The following LANCL3 variants were observed in gnomAD, a reference collection of about 807,000 sequenced individuals.
LANCL3 encodes the protein LanC like family member 3, also known as lanC-like protein 3.
A neutral mutation model predicts 26.5 loss-of-function variants in LANCL3; 19 were observed. That is an observed-to-expected ratio of 0.72 (90% CI 0.50 to 1.05). The LOEUF (loss-of-function observed/expected upper bound fraction) is 1.05, where lower values mean the gene tolerates loss of function less well. LANCL3 is among the 50% of genes least tolerant of loss of function. The pLI is 0.00. For synonymous variants in LANCL3, 160 were observed against 166.6 expected (o/e 0.96, Z 0.30); for missense variants, 318 against 362.7 (o/e 0.88, Z 1.00).
At chrX:37,586,829 G>A (rs573597259) in intron 1 of LANCL3, among the ~76,000 whole-genome samples, 13 of 111,708 alleles carry the variant, frequency 1.2e-4, no homozygotes, top group East Asian at 8.4e-4. Flanking sequence ...GCTTTATTCC[G>A]TTGCTGGTGA....
chrX:37,594,934 C>T (rs1297068859), intron 1 of LANCL3, among the ~76,000 whole-genome samples: 1 of 111,549 alleles, frequency 9.0e-6, no homozygotes, highest in Non-Finnish European at 1.9e-5. Context: ...GTACGTGGAG[C>T]GAAATTAGAT....
chrX:37,634,241 T>A (rs1275921255), intron 1 of LANCL3, among the ~76,000 whole-genome samples: 6 of 112,534 alleles, frequency 5.3e-5, no homozygotes, highest in African/African-American at 1.9e-4. Flanking sequence ...TCGAGACAGG[T>A]GCAGGATATA....
intron 1 of LANCL3, among the ~76,000 whole-genome samples, chrX:37,604,698 A>T (rs782648670): frequency 2.2e-4 from 25 of 112,326 alleles, no homozygotes; most frequent in African/African-American, 7.4e-4. Flanking sequence ...GGATGGAAGC[A>T]TGCAAAGCCT....
intron 1 of LANCL3, among the ~76,000 whole-genome samples, chrX:37,576,946 AG>A (rs782351386): frequency 8.9e-6 from 1 of 112,563 alleles, no homozygotes; most frequent in East Asian, 2.8e-4. Context: ...GCATGGCTGG[AG>A]CAGAGAGAGA....
intron 1 of LANCL3, among the ~76,000 whole-genome samples, chrX:37,586,087 T>C: frequency 8.9e-6 from 1 of 111,831 alleles, no homozygotes; most frequent in East Asian, 2.8e-4. Context: ...AAATTCTCGG[T>C]TGAAAATTCT....
At chrX:37,673,423 A>AT (rs1306498290) in intron 4 of LANCL3, among the ~76,000 whole-genome samples, 11 of 110,989 alleles carry the variant, frequency 9.9e-5, no homozygotes, top group African/African-American at 3.6e-4. Flanking sequence ...AGATCTATGA[A>AT]TTTTCTTCTG....
intron 1 of LANCL3, among the ~76,000 whole-genome samples, chrX:37,596,173 A>T (rs1167313634): frequency 8.9e-6 from 1 of 112,145 alleles, no homozygotes; most frequent in Non-Finnish European, 1.9e-5. Flanking sequence ...ATGACTTAAT[A>T]TAATATTTCT....
chrX:37,633,828 A>C (rs1391091134), intron 1 of LANCL3, among the ~76,000 whole-genome samples: 2 of 111,689 alleles, frequency 1.8e-5, no homozygotes, highest in Non-Finnish European at 3.8e-5. Flanking sequence ...GTGAGAAGTC[A>C]GTCTGCCCCT....
chrX:37,597,777 A>C (rs1476937219), intron 1 of LANCL3, among the ~76,000 whole-genome samples: 1 of 101,801 alleles, frequency 9.8e-6, no homozygotes, highest in Non-Finnish European at 2.0e-5. Context: ...TCAGCCTTCC[A>C]AAGAGCTGGG....
intron 1 of LANCL3, among the ~76,000 whole-genome samples, chrX:37,582,232 G>A (rs1331333515): frequency 2.7e-5 from 3 of 111,829 alleles, no homozygotes; most frequent in Non-Finnish European, 5.6e-5. Context: ...GAATAGTGCG[G>A]CAATAAACAT....
chrX:37,600,242 ATTAG>A (rs1339858783), intron 1 of LANCL3, among the ~76,000 whole-genome samples: 1 of 112,050 alleles, frequency 8.9e-6, no homozygotes, highest in African/African-American at 3.2e-5. Context: ...CTATTTTATT[ATTAG>A]TTATTTTTGT....
chrX:37,677,307 G>T lies in LANCL3; in HGVS notation c.*1494G>T, dbSNP rs1235766381. 3 of 110,003 alleles carry T rather than the reference G, an allele frequency of 2.7e-5. No individual in the cohort carries two copies. Among genetic ancestry groups the T allele is most frequent in the Non-Finnish European group, 3.8e-5 (2 of 52,612 alleles). 9.1% of individuals were successfully genotyped at this position (110,003 alleles called of 1,213,427 possible). A position where few individuals can be genotyped will look rare whatever the true frequency, so the allele number is the denominator to read the frequency against. On this transcript the variant is annotated 3_prime_UTR_variant, in exon 5 of 5. Transcript: ENST00000378619. ...AAAAAGCAAACCTACAAGTATGTTG[G>T]TGTGTGTATGTGTATGGACCAGTTT...
At chrX:37,597,292 T>C (rs1556419577) in intron 1 of LANCL3, among the ~76,000 whole-genome samples, 1 of 112,450 alleles carries the variant, frequency 8.9e-6, no homozygotes, top group Non-Finnish European at 1.9e-5. Flanking sequence ...GCTGCCATAA[T>C]GCTGTTTTGA....
Position 37,682,164 on chromosome X carries a change from G to A in LANCL3, c.*6351G>A, listed in dbSNP as rs1405633545. 1 of 102,470 alleles carries A rather than the reference G, an allele frequency of 9.8e-6. No individual in the cohort carries two copies. The highest frequency in any genetic ancestry group is 3.0e-4 in the East Asian group (1 of 3,328). The allele number at this position is 102,470 out of a possible 1,213,427, so 8.4% of individuals were successfully genotyped here. A position where few individuals can be genotyped will look rare whatever the true frequency, so the allele number is the denominator to read the frequency against. On this transcript the variant is annotated 3_prime_UTR_variant, in exon 5 of 5. Transcript: ENST00000378619. ...GTCGCCCAGGCTGGAGTGCAGTGGC[G>A]GGATCTCGGCTCGCTGCAAGCTCCG...
chrX:37,625,574 G>A (rs1925291144), intron 1 of LANCL3, among the ~76,000 whole-genome samples: 1 of 111,479 alleles, frequency 9.0e-6, no homozygotes, highest in African/African-American at 3.3e-5. Context: ...CTTCTTCCAT[G>A]GTGATGGATC....
chrX:37,604,988 C>G (rs563388644), intron 1 of LANCL3, among the ~76,000 whole-genome samples: 1 of 112,146 alleles, frequency 8.9e-6, no homozygotes, highest in Non-Finnish European at 1.9e-5. Flanking sequence ...GATGTGTGTT[C>G]TTGGTTTCTA....
At chrX:37,621,218 CTAT>C (rs1556422225) in intron 1 of LANCL3, among the ~76,000 whole-genome samples, 1 of 112,335 alleles carries the variant, frequency 8.9e-6, no homozygotes, top group Non-Finnish European at 1.9e-5. Context: ...TTGTGTGTCC[CTAT>C]TATTCTTGTC....
chrX:37,589,487 A>G (rs782101029), intron 1 of LANCL3, among the ~76,000 whole-genome samples: 154 of 111,510 alleles, frequency 1.4e-3, no homozygotes, highest in African/African-American at 5.0e-3. Flanking sequence ...TCTGTCAGCC[A>G]TGATTTTGAG....
intron 1 of LANCL3, among the ~76,000 whole-genome samples, chrX:37,590,183 G>A (rs1275730430): frequency 8.9e-6 from 1 of 112,322 alleles, no homozygotes; most frequent in Admixed American, 9.4e-5. Context: ...CCTATTCTGA[G>A]TGGTGGATTC....
Sources: allele counts gnomAD v4.1 joint callset (sites outside exome capture counted in the v4.1 genomes callset), GRCh38; gene constraint gnomAD v4.1.1; transcripts MANE v1.5; gene names NCBI Gene and HGNC (gene_info 2026-07-23, HGNC 2026-07-21).